DPP10: variants seen among roughly 807,000 people sequenced by gnomAD.
The protein encoded by DPP10 is inactive dipeptidyl peptidase 10.
In DPP10, 33 loss-of-function variants were observed where a neutral mutation model predicts 120.9. That is an observed-to-expected ratio of 0.27 (90% confidence interval 0.21 to 0.37). The LOEUF (loss-of-function observed/expected upper bound fraction) is 0.37, where lower values mean the gene tolerates loss of function less well. Ranked by LOEUF, DPP10 falls within the 10% of genes least tolerant of loss-of-function variation. The pLI is 1.00. For missense variants in DPP10, 816 were observed against 942.8 expected (o/e 0.87, Z 1.76); for synonymous variants, 337 against 326.1 (o/e 1.03, Z -0.36).
chr2:115,006,730 G>A (rs1307471662), intron 1 of DPP10, among the ~76,000 whole-genome samples: 1 of 151,918 alleles, frequency 6.6e-6, no homozygotes, highest in Non-Finnish European at 1.5e-5. Context: ...AGTCCTGAGT[G>A]ACCTAAAAAG....
intron 1 of DPP10, among the ~76,000 whole-genome samples, chr2:115,075,200 T>C (rs575034529): frequency 1.3e-5 from 2 of 152,344 alleles, no homozygotes; most frequent in South Asian, 2.1e-4. Context: ...GCTGATCACA[T>C]TGGTGTTTGC....
intron 1 of DPP10, among the ~76,000 whole-genome samples, chr2:114,493,983 G>A (rs963664571): frequency 2.0e-5 from 3 of 151,350 alleles, no homozygotes; most frequent in African/African-American, 7.3e-5. Context: ...TTATGTTTCT[G>A]TGAGCTCAAG....
intron 5 of DPP10, among the ~76,000 whole-genome samples, chr2:115,531,363 A>C (rs1385380146): frequency 1.3e-5 from 2 of 152,060 alleles, no homozygotes; most frequent in Non-Finnish European, 2.9e-5. Flanking sequence ...GATTCCTTAA[A>C]CTGCAAGAGC....
At chr2:114,665,443 T>A (rs958013137) in intron 1 of DPP10, among the ~76,000 whole-genome samples, 7 of 152,134 alleles carry the variant, frequency 4.6e-5, no homozygotes, top group African/African-American at 1.7e-4. Context: ...CTATGACTGC[T>A]ACAAGAGAAA....
chr2:114,808,618 G>A (rs542419142), intron 1 of DPP10, among the ~76,000 whole-genome samples: 1 of 147,860 alleles, frequency 6.8e-6, no homozygotes, highest in Admixed American at 6.8e-5. Context: ...ACCGTTTACC[G>A]TGGCCTACAG....
In DPP10 at chr2:115,325,945, G is replaced by T. The variant is rs571357534; in HGVS notation, c.175+16592G>T. ...ATAGCTATTTCAGATCATTGTAGAG[G>T]TTTTTTGCTGTTACTTCCTGAAAAC... On this transcript the variant is annotated intron_variant, in intron 2 of 25. Transcript: ENST00000410059. Among the ~76,000 whole-genome samples, 11 of 152,176 alleles carry T rather than the reference G, an allele frequency of 7.2e-5. No individual in the cohort carries two copies. In the South Asian group the frequency reaches 1.2e-3, roughly 17 times the overall value.
At position 115,339,743 on chromosome 2, in the gene DPP10, A is replaced by T. The variant is rs929696626; in HGVS notation, c.176-4074A>T. On this transcript the variant is annotated intron_variant, in intron 2 of 25. Coordinates refer to ENST00000410059, the MANE Select transcript of DPP10 (RefSeq NM_020868.6). ...TATGGTATGATTGTGATTATATAGC[A>T]TTCTTAAAATTACAAAATTTTAAAA... Among the ~76,000 whole-genome samples, 17 of 152,172 alleles carry T rather than the reference A, an allele frequency of 1.1e-4. 1 individual carries two copies. The highest frequency in any genetic ancestry group is 1.0e-3 in the Admixed American group (16 of 15,254).
intron 1 of DPP10, among the ~76,000 whole-genome samples, chr2:114,835,796 A>T (rs1687687246): frequency 6.6e-6 from 1 of 152,142 alleles, no homozygotes; most frequent in Admixed American, 6.6e-5. Context: ...ATAAAGTATG[A>T]CCCTTATTAT....
chr2:115,416,220 G>A (rs843393), intron 3 of DPP10, among the ~76,000 whole-genome samples: 17,921 of 151,982 alleles, frequency 0.12, 1,339 homozygotes, highest in African/African-American at 0.2. Context: ...AGTCACACAG[G>A]TAAGTAACAA....
chr2:115,623,276 C>T (rs2085112157), intron 5 of DPP10, among the ~76,000 whole-genome samples: 1 of 152,108 alleles, frequency 6.6e-6, no homozygotes, highest in African/African-American at 2.4e-5. Flanking sequence ...TCACCAGCCT[C>T]TGCTTTAGCG....
chr2:115,820,799 A>ATATGTG (rs1553517950), intron 21 of DPP10, among the ~76,000 whole-genome samples: 2 of 105,554 alleles, frequency 1.9e-5, no homozygotes. Flanking sequence ...TCCATGGTGT[A>ATATGTG]TGTGTGTGTG....
chr2:115,841,550 G>C (rs1223742946), intron 25 of DPP10, among the ~76,000 whole-genome samples: 2 of 152,126 alleles, frequency 1.3e-5, no homozygotes, highest in Non-Finnish European at 2.9e-5. Context: ...TTAGGATAAT[G>C]AAATATGAAG....
intron 1 of DPP10, among the ~76,000 whole-genome samples, chr2:115,264,860 T>C (rs1046725984): frequency 7.2e-5 from 11 of 152,278 alleles, no homozygotes; most frequent in African/African-American, 2.6e-4. Context: ...GGGTACCAAG[T>C]TTTGGGCTAT....
At chr2:115,652,458 G>A (rs2087879528) in intron 5 of DPP10, among the ~76,000 whole-genome samples, 1 of 145,410 alleles carries the variant, frequency 6.9e-6, no homozygotes, top group African/African-American at 2.8e-5. Flanking sequence ...TTTAATATAT[G>A]TATTCTCTAA....
At chr2:115,188,084 A>AGAGC (rs1166111495) in intron 1 of DPP10, among the ~76,000 whole-genome samples, 5 of 150,960 alleles carry the variant, frequency 3.3e-5, no homozygotes, top group East Asian at 2.0e-4. Context: ...AGAGAGAGAG[A>AGAGC]GCGCACTCAG....
chr2:114,700,750 A>T (rs1192836112), intron 1 of DPP10, among the ~76,000 whole-genome samples: 3 of 152,100 alleles, frequency 2.0e-5, no homozygotes, highest in Non-Finnish European at 2.9e-5. Context: ...TGTGAACAGC[A>T]GATCCAGCTC....
intron 1 of DPP10, among the ~76,000 whole-genome samples, chr2:114,647,259 G>T (rs1362399385): frequency 6.6e-6 from 1 of 152,126 alleles, no homozygotes; most frequent in African/African-American, 2.4e-5. Flanking sequence ...GGGTGTAGGG[G>T]GAGAAAGAAT....
At chr2:115,499,338 G>C (rs534901856) in intron 3 of DPP10, among the ~76,000 whole-genome samples, 172 bp from the exon 4 acceptor site, 2 of 152,040 alleles carry the variant, frequency 1.3e-5, no homozygotes, top group Non-Finnish European at 2.9e-5. Context: ...TGTTAGGCGG[G>C]CTTCCTGATC....
At chr2:114,609,434 G>A (rs1237027189) in intron 1 of DPP10, among the ~76,000 whole-genome samples, 2 of 152,110 alleles carry the variant, frequency 1.3e-5, no homozygotes, top group African/African-American at 2.4e-5. Flanking sequence ...GCCTGGGATG[G>A]GAGGTGAGAA....
Sources: allele counts gnomAD v4.1 joint callset (sites outside exome capture counted in the v4.1 genomes callset), GRCh38; gene constraint gnomAD v4.1.1; transcripts MANE v1.5; gene names NCBI Gene and HGNC (gene_info 2026-07-23, HGNC 2026-07-21).